DLGAP1: variants seen among roughly 807,000 people sequenced by gnomAD.
DLGAP1 encodes DLG associated protein 1, also known as disks large-associated protein 1.
In DLGAP1, 11 loss-of-function variants were observed where a neutral mutation model predicts 90.8. That is an observed-to-expected ratio of 0.12 (90% confidence interval 0.08 to 0.20). The LOEUF is 0.20. DLGAP1 is among the 10% of genes least tolerant of loss of function. The probability of loss-of-function intolerance (pLI) is 1.00; values close to 1 mark genes in which losing one functional copy is unlikely to be tolerated. For synonymous variants in DLGAP1, 558 were observed against 540.7 expected, an observed-to-expected ratio of 1.03 and a Z score of -0.44; for missense variants, 1,050 against 1,333.8, an observed-to-expected ratio of 0.79 and a Z score of 3.31.
At chr18:4,025,864 G>T (rs1877169731) in intron 2 of DLGAP1, among the ~76,000 whole-genome samples, 1 of 152,044 alleles carries the variant, frequency 6.6e-6, no homozygotes, top group African/African-American at 2.4e-5. Flanking sequence ...TATATTGAAG[G>T]TATTTTTAAA....
chr18:4,169,423 A>C (rs892997267), intron 1 of DLGAP1, among the ~76,000 whole-genome samples: 3 of 152,188 alleles, frequency 2.0e-5, no homozygotes, highest in African/African-American at 7.2e-5. Flanking sequence ...AATTATTTTG[A>C]ATCTTATGTA....
intron 7 of DLGAP1, among the ~76,000 whole-genome samples, chr18:3,602,520 G>C (rs1029743485): frequency 6.6e-6 from 1 of 150,390 alleles, no homozygotes; most frequent in Non-Finnish European, 1.5e-5. Flanking sequence ...GCGTGAACCC[G>C]GGAGGCGGAG....
At chr18:4,048,217 G>A (rs2075083993) in intron 2 of DLGAP1, among the ~76,000 whole-genome samples, 1 of 152,154 alleles carries the variant, frequency 6.6e-6, no homozygotes, top group African/African-American at 2.4e-5. Flanking sequence ...ATAATGCAAA[G>A]AGCATATAAA....
At chr18:4,059,407 T>C (rs4797138) in intron 2 of DLGAP1, among the ~76,000 whole-genome samples, 126,067 of 152,206 alleles carry the variant, frequency 0.83, 52,453 homozygotes, top group East Asian at 0.91. Flanking sequence ...ACTAGCTTTC[T>C]TTTGTAACAC....
intron 4 of DLGAP1, among the ~76,000 whole-genome samples, chr18:3,836,302 TTTTA>T (rs1459511488): frequency 6.6e-6 from 1 of 152,168 alleles, no homozygotes; most frequent in East Asian, 1.9e-4. Flanking sequence ...ATCTTACTGA[TTTTA>T]TTTATTAAAA....
intron 1 of DLGAP1, among the ~76,000 whole-genome samples, chr18:4,426,542 G>A (rs556489500): frequency 1.8e-4 from 28 of 152,288 alleles, no homozygotes; most frequent in African/African-American, 5.8e-4. Flanking sequence ...GGTGGGTCAG[G>A]AGCCAGACAT....
At chr18:4,076,158 C>G (rs929065070) in intron 2 of DLGAP1, among the ~76,000 whole-genome samples, 1 of 152,160 alleles carries the variant, frequency 6.6e-6, no homozygotes, top group Non-Finnish European at 1.5e-5. Flanking sequence ...TTAGTTTCCT[C>G]CCAATGTGCT....
At chr18:3,926,400 A>G (rs4453599) in intron 3 of DLGAP1, among the ~76,000 whole-genome samples, 83,182 of 131,082 alleles carry the variant, frequency 0.63, 22,900 homozygotes, top group South Asian at 0.67. Flanking sequence ...TAAGCAAATG[A>G]CATATATATA....
intron 5 of DLGAP1, among the ~76,000 whole-genome samples, chr18:3,751,868 C>CTTG (rs1198123750): frequency 5.8e-5 from 8 of 137,146 alleles, no homozygotes; most frequent in African/African-American, 2.3e-4. Context: ...CGGACTTCTT[C>CTTG]TTCTTCTTCT....
intron 2 of DLGAP1, among the ~76,000 whole-genome samples, chr18:4,028,489 A>G (rs1598265165): frequency 2.0e-5 from 3 of 152,306 alleles, no homozygotes; most frequent in Admixed American, 2.0e-4. Flanking sequence ...GAAATGATCA[A>G]ACTAAACAGA....
intron 1 of DLGAP1, among the ~76,000 whole-genome samples, chr18:4,355,357 G>C (rs745409517): frequency 2.0e-4 from 31 of 152,144 alleles, no homozygotes; most frequent in Non-Finnish European, 4.3e-4. Flanking sequence ...CCCTTCAAAG[G>C]TTACATATGG....
intron 2 of DLGAP1, among the ~76,000 whole-genome samples, chr18:4,014,936 G>A (rs780902029): frequency 6.6e-6 from 1 of 152,280 alleles, no homozygotes; most frequent in Non-Finnish European, 1.5e-5. Flanking sequence ...GGTGGATGGT[G>A]TGCTTTCATC....
rs2083947921 is a variant in DLGAP1 at position 4,455,302 on chromosome 18, T to A, written c.-563A>T. 6.6e-6 allele frequency: 1 copy of A among 152,350 alleles called. No homozygotes were observed. Among genetic ancestry groups the A allele is most frequent in the Non-Finnish European group, 1.5e-5 (1 of 68,428 alleles). The allele number at this position is 152,350 out of a possible 1,614,324, so 9.4% of individuals were successfully genotyped here. ...ACGCGGCGGGCTGGGGCTGCAAGGCTGGGCTGGTGACCCGCCCCTGGGTGC... is the reference window on the plus strand; with the variant it reads ...ACGCGGCGGGCTGGGGCTGCAAGGCAGGGCTGGTGACCCGCCCCTGGGTGC... On this transcript the variant is annotated 5_prime_UTR_variant, in exon 1 of 13. Transcript: ENST00000315677.
intron 3 of DLGAP1, chr18:3,983,694 A>G (rs2073784526): frequency 6.6e-6 from 1 of 152,208 alleles, no homozygotes; most frequent in Admixed American, 6.5e-5. Context: ...CCTCCTTCCA[A>G]GAACAAACAA....
chr18:4,393,894 G>A (rs80291430), intron 1 of DLGAP1, among the ~76,000 whole-genome samples: 1 of 152,166 alleles, frequency 6.6e-6, no homozygotes, highest in African/African-American at 2.4e-5. Context: ...TTGCGCTCCT[G>A]TGAGAATCTA....
At chr18:3,958,579 C>A (rs1180564008) in intron 3 of DLGAP1, among the ~76,000 whole-genome samples, 1 of 135,872 alleles carries the variant, frequency 7.4e-6, no homozygotes, top group Non-Finnish European at 1.5e-5. Flanking sequence ...AGAGAGTTCA[C>A]AGTTTGAGAA....
rs973028397 is a variant in DLGAP1, at chr18:4,342,377, C to G, written c.-267+112629G>C. Among the ~76,000 whole-genome samples, 8 of 152,044 alleles carry G rather than the reference C, an allele frequency of 5.3e-5. No homozygotes were observed. The highest frequency in any genetic ancestry group is 1.9e-4 in the African/African-American group (8 of 41,402). On this transcript the variant is annotated intron_variant, in intron 1 of 12. Coordinates refer to ENST00000315677, the MANE Select transcript of DLGAP1 (RefSeq NM_004746.4). This position sits in a 1 kb window ranked among gnomAD's most constrained non-coding sequence, Gnocchi z 5.8. ...AGAATATGTTAAATGGATAAACACT[C>G]CCAAATATCTTACATTTTAAAAATT... is the stretch of plus-strand genomic sequence containing the variant.
chr18:4,167,486 A>G (rs2076951727), intron 1 of DLGAP1, among the ~76,000 whole-genome samples: 2 of 152,188 alleles, frequency 1.3e-5, no homozygotes, highest in Admixed American at 1.3e-4. Context: ...TACCAAATGA[A>G]ACTTGAAAGA....
rs143033461 is a variant in DLGAP1 at position 4,271,559 on chromosome 18, C to T, written c.-266-120272G>A. Among the ~76,000 whole-genome samples the T allele has an allele frequency of 6.6e-5, 10 of 152,136 alleles. 1 individual carries two copies. The highest frequency in any genetic ancestry group is 2.2e-4 in the African/African-American group (9 of 41,512). On this transcript the variant is annotated intron_variant, in intron 1 of 12. Coordinates refer to ENST00000315677, the MANE Select transcript of DLGAP1 (RefSeq NM_004746.4). ...CTAATAAATATTATGTAAGTCTATA[C>T]CTTGAAGAAAATATACTAAACATTA...
Sources: gnomAD v4.1 joint callset for allele counts (sites outside exome capture counted in the v4.1 genomes callset) on GRCh38, gnomAD v4.1.1 for gene constraint, Gnocchi (gnomAD v3.1) non-coding constraint, MANE v1.5 for transcripts, NCBI Gene and HGNC (gene_info 2026-07-23, HGNC 2026-07-21) for gene names.